The following PRPF4 variants were observed in gnomAD, a reference collection of about 807,000 sequenced individuals.
PRPF4 encodes U4/U6 small nuclear ribonucleoprotein Prp4.
PRPF4 carries 14 observed loss-of-function variants against 72.2 expected under a neutral mutation model. That is an observed-to-expected ratio of 0.19 (90% CI 0.13 to 0.30). The LOEUF is 0.30. Ranked by LOEUF, PRPF4 falls within the 10% of genes least tolerant of loss-of-function variation. The pLI is 1.00. For synonymous variants in PRPF4, 225 were observed against 232.2 expected (o/e 0.97, Z 0.28); for missense variants, 478 against 653.9 (o/e 0.73, Z 2.93).
At chr9:113,285,952 G>C (rs1411743225) in intron 7 of PRPF4, among the ~76,000 whole-genome samples, 1 of 152,150 alleles carries the variant, frequency 6.6e-6, no homozygotes, top group Non-Finnish European at 1.5e-5. Flanking sequence ...TTATTGGATA[G>C]TTTAATTTGC....
At chr9:113,283,287 A>C (rs1397528525) in intron 5 of PRPF4, 76 bp downstream of exon 5, 1 of 1,613,350 alleles carries the variant, frequency 6.2e-7, no homozygotes, top group Non-Finnish European at 8.5e-7. Flanking sequence ...GTGCTGGATA[A>C]TGACTATGGT....
At chr9:113,277,082 G>A (rs1462661791) in intron 2 of PRPF4, among the ~76,000 whole-genome samples, 6 of 152,042 alleles carry the variant, frequency 3.9e-5, no homozygotes, top group Non-Finnish European at 8.8e-5. Context: ...TAAAGTGCTG[G>A]GATTACAGGT....
chr9:113,285,759 A>G (rs952697963), intron 7 of PRPF4, among the ~76,000 whole-genome samples: 1 of 152,012 alleles, frequency 6.6e-6, no homozygotes, highest in Non-Finnish European at 1.5e-5. Flanking sequence ...CCAGCTACTC[A>G]GGAGGCTGGG....
intron 1 of PRPF4, 78 bp from the exon 2 acceptor site, chr9:113,276,470 G>A: frequency 2.0e-6 from 3 of 1,475,976 alleles, no homozygotes; most frequent in Non-Finnish European, 2.8e-6. Context: ...GAAACTCAGG[G>A]TGAGCTTCAT....
rs1832330999 is a variant in PRPF4, at chr9:113,283,113, C to T, written c.481-19C>T. 2 of 1,614,148 alleles carry T rather than the reference C, an allele frequency of 1.2e-6. No homozygotes were observed. The highest frequency in any genetic ancestry group is 2.7e-5 in the African/African-American group (2 of 75,026). ...GAATGCTTCAGATTTGACCTTTCTGCTCTTAATTTGCCTTTCAGTATCAGC... is the reference window on the plus strand; with the variant it reads ...GAATGCTTCAGATTTGACCTTTCTGTTCTTAATTTGCCTTTCAGTATCAGC... On this transcript the variant is annotated intron_variant, in intron 4 of 13. Transcript: ENST00000374198.
chr9:113,278,204 A>G (rs762702646), intron 2 of PRPF4, among the ~76,000 whole-genome samples: 94 of 152,230 alleles, frequency 6.2e-4, no homozygotes, highest in Non-Finnish European at 1.8e-4. Flanking sequence ...CAGTAATGAG[A>G]GGTCTACTAT....
At chr9:113,279,456 C>T (rs1397794690) in intron 3 of PRPF4, among the ~76,000 whole-genome samples, 5 of 152,198 alleles carry the variant, frequency 3.3e-5, no homozygotes, top group Admixed American at 6.5e-5. Context: ...CTCCGCCTCC[C>T]GGGTTCAAGC....
At chr9:113,284,576 T>C (rs1345699002) in intron 7 of PRPF4, among the ~76,000 whole-genome samples, 187 bp downstream of exon 7, 3 of 152,222 alleles carry the variant, frequency 2.0e-5, no homozygotes, top group African/African-American at 7.2e-5. Context: ...TTAGCCGTTC[T>C]CGCTCTTCAC....
At position 113,275,699 on chromosome 9, in the gene PRPF4, G is replaced by A. The variant is rs1297801971; in HGVS notation, c.-45G>A. 3 of 1,602,558 alleles carry A rather than the reference G, an allele frequency of 1.9e-6. No homozygotes were observed. Among genetic ancestry groups the A allele is most frequent in the Non-Finnish European group, 2.6e-6 (3 of 1,174,540 alleles). On this transcript the variant is annotated 5_prime_UTR_variant, in exon 1 of 14. Coordinates refer to ENST00000374198, the MANE Select transcript of PRPF4 (RefSeq NM_001244926.2). ...GGGCGCGCGGTGGACGGTCTGAAAGGGAGTGTTCGGGTTTCGCTGGGGCCT... is the reference window on the plus strand; with the variant it reads ...GGGCGCGCGGTGGACGGTCTGAAAGAGAGTGTTCGGGTTTCGCTGGGGCCT...
Position 113,286,792 on chromosome 9 carries a change from C to G in PRPF4, c.896C>G (p.Ala299Gly). The G allele has an allele frequency of 1.2e-6, 2 of 1,614,098 alleles. No homozygotes were observed. The highest frequency in any genetic ancestry group is 1.1e-5 in the South Asian group (1 of 91,078). Residue 299 changes from alanine to glycine, a missense_variant, in exon 9 of 14, where the codon GCG becomes GGG. By Grantham distance (60) the Ala-to-Gly change is moderately conservative. Transcript: ENST00000374198. The part of the protein sequence containing the change: ...DPKDVNLASC[A>G]ADGSVKLWSL... ...AAAGATGTCAACCTGGCCTCTTGTG[C>G]GGCTGATGGCTCTGTGAAGCTTTGG...
intron 6 of PRPF4, among the ~76,000 whole-genome samples, chr9:113,283,692 T>A (rs1832350428): frequency 6.6e-6 from 1 of 152,146 alleles, no homozygotes; most frequent in Non-Finnish European, 1.5e-5. Context: ...GTTCTATTCT[T>A]TATTTCTCCC....
chr9:113,290,979 T>A lies in PRPF4; in HGVS notation c.1335T>A (p.Pro445=). ...LRQRRCVYTI[P]AHQNLVTGVK... ...AGCGGCGTTGCGTCTACACCATCCC[T>A]GCTCATCAGAACTTAGTGACTGGTG... The change falls in exon 13 of 14, where the codon CCT becomes CCA. Residue 445 remains proline (P), a synonymous_variant. Coordinates refer to ENST00000374198, the MANE Select transcript of PRPF4 (RefSeq NM_001244926.2). 1 of 1,614,218 alleles carries A rather than the reference T, an allele frequency of 6.2e-7. No individual in the cohort carries two copies.
intron 9 of PRPF4, 34 bp downstream of exon 9, chr9:113,286,862 T>C (rs1423486190): frequency 1.2e-6 from 2 of 1,613,666 alleles, no homozygotes; most frequent in South Asian, 2.2e-5. Flanking sequence ...CATACTGCCA[T>C]CACTAAAGTA....
chr9:113,283,421 A>T lies in PRPF4; in HGVS notation c.593A>T (p.His198Leu). 6.2e-7 allele frequency: 1 copy of T among 1,614,192 alleles called. No individual in the cohort carries two copies. The highest frequency in any genetic ancestry group is 8.5e-7 in the Non-Finnish European group (1 of 1,180,026). ...AMKRLEEARL[H>L]KEIPETTRTS... ...AAACGCTTGGAAGAGGCCCGACTCC[A>T]TAAGGAGATTCCTGAGACAACAAGG... The change falls in exon 6 of 14, where the codon CAT becomes CTT. Residue 198 changes from histidine (H) to leucine (L), a missense_variant. Physicochemically the swap from His to Leu is moderately conservative, Grantham distance 99. Coordinates refer to ENST00000374198, the MANE Select transcript of PRPF4 (RefSeq NM_001244926.2).
In PRPF4 at chr9:113,283,132, T is replaced by G; in HGVS notation, c.481T>G (p.Tyr161Asp). ...DEKSKKSKEE[Y>D]QQTWYHEGPN... Reference sequence around the variant, plus strand: ...TTTCTGCTCTTAATTTGCCTTTCAGTATCAGCAAACCTGGTATCATGAAGG... The same window carrying G: ...TTTCTGCTCTTAATTTGCCTTTCAGGATCAGCAAACCTGGTATCATGAAGG... Residue 161 changes from tyrosine (Y) to aspartate (D), a missense_variant and splice_region_variant, in exon 5 of 14, where the codon TAT (tyrosine) becomes GAT (aspartate). Tyr to Asp is a radical substitution (Grantham distance 160). Transcript: ENST00000374198. The G allele has an allele frequency of 6.2e-7, 1 of 1,614,210 alleles. No individual in the cohort carries two copies. Among genetic ancestry groups the G allele is most frequent in the Non-Finnish European group, 8.5e-7 (1 of 1,180,040 alleles).
intron 9 of PRPF4, among the ~76,000 whole-genome samples, 153 bp from the exon 10 acceptor site, chr9:113,288,022 A>G (rs1032261689): frequency 1.3e-5 from 2 of 152,214 alleles, no homozygotes; most frequent in African/African-American, 4.8e-5. Context: ...GTGCAGAATG[A>G]CTATTTTGCT....
At chr9:113,287,523 AG>A (rs1177104174) in intron 9 of PRPF4, among the ~76,000 whole-genome samples, 3 of 151,732 alleles carry the variant, frequency 2.0e-5, no homozygotes, top group Non-Finnish European at 4.4e-5. Context: ...GTTGGCCAAA[AG>A]GCATCTGAAT....
At chr9:113,279,247 A>G (rs1832198961) in intron 3 of PRPF4, 116 bp downstream of exon 3, 3 of 967,958 alleles carry the variant, frequency 3.1e-6, no homozygotes. Context: ...TGTTAACAAT[A>G]TCTTACTGTG....
rs1454972641 is a variant in PRPF4 at position 113,277,735 on chromosome 9, C to G, written c.205+1010C>G. Among the ~76,000 whole-genome samples the G allele has an allele frequency of 2.0e-5, 3 of 151,962 alleles. No individual in the cohort carries two copies. In the East Asian group the frequency reaches 5.8e-4, roughly 30 times the overall value. On this transcript the variant is annotated intron_variant, in intron 2 of 13. Transcript: ENST00000374198. ...GTAATAGTGGCCAAGCCTGGTGGCT[C>G]ACACCTGTAATCCCAGCACTTTGGG...
Sources: allele counts gnomAD v4.1 joint callset (sites outside exome capture counted in the v4.1 genomes callset), GRCh38; gene constraint gnomAD v4.1.1; transcripts MANE v1.5; gene names NCBI Gene and HGNC (gene_info 2026-07-23, HGNC 2026-07-21).